The following CTNND2 variants were observed in gnomAD, a reference collection of about 807,000 sequenced individuals.
CTNND2 encodes catenin delta 2, also known as catenin delta-2.
CTNND2 carries 22 observed loss-of-function variants against 144.4 expected under a neutral mutation model. The ratio of observed to expected loss-of-function variants is 0.15; its 90% CI spans 0.11 to 0.22. CTNND2 has a LOEUF of 0.22. Among genes scored for constraint, CTNND2 ranks in the 10% least tolerant of loss-of-function variants. The pLI is 1.00. For synonymous variants in CTNND2, 751 were observed against 695.6 expected (o/e 1.08, Z -1.25); for missense variants, 1,353 against 1,618.8 (o/e 0.84, Z 2.82).
intron 2 of CTNND2, among the ~76,000 whole-genome samples, chr5:11,681,229 G>A (rs1784409601): frequency 6.6e-6 from 1 of 152,184 alleles, no homozygotes; most frequent in Non-Finnish European, 1.5e-5. Context: ...CAAGAAAAAT[G>A]TATTTCAAGA....
At chr5:11,283,717 T>C (rs1561149083) in intron 9 of CTNND2, among the ~76,000 whole-genome samples, 1 of 114,730 alleles carries the variant, frequency 8.7e-6, no homozygotes, top group East Asian at 2.6e-4. Flanking sequence ...GAGAGAGACA[T>C]GGGAATCTGT....
chr5:11,159,671 G>C lies in CTNND2; in HGVS notation c.2064C>G (p.Ile688Met). 6.2e-7 allele frequency: 1 copy of C among 1,613,572 alleles called. No homozygotes were observed. The highest frequency in any genetic ancestry group is 8.5e-7 in the Non-Finnish European group (1 of 1,179,768). ...GCGAATTTTCCCAGCCTGAGTGGGG[G>C]ATAATCACCGCGTTGGTCAGTACTG... ...ALAVLTNAVI[I>M]PHSGWENSPL... is the part of the protein sequence containing the mutation. Residue 688 changes from isoleucine to methionine, a missense_variant, in exon 12 of 22, where the codon ATC becomes ATG. By Grantham distance (10) the Ile-to-Met change is conservative. Around this residue, in one of 4 missense-constraint regions of CTNND2, gnomAD observed 117 missense variants for 117.8 expected, o/e 0.99. Coordinates refer to ENST00000304623, the MANE Select transcript of CTNND2 (RefSeq NM_001332.4).
chr5:11,043,529 T>C (rs1744908627), intron 16 of CTNND2, among the ~76,000 whole-genome samples: 2 of 152,038 alleles, frequency 1.3e-5, no homozygotes, highest in Admixed American at 1.3e-4. Flanking sequence ...AGTAGATAGG[T>C]AGAAAAAACA....
At chr5:11,131,296 T>C (rs1755568303) in intron 12 of CTNND2, among the ~76,000 whole-genome samples, 1 of 152,148 alleles carries the variant, frequency 6.6e-6, no homozygotes, top group African/African-American at 2.4e-5. Context: ...ACCATGTGAC[T>C]AAATAAATAA....
chr5:10,982,089 G>A (rs573198951), intron 20 of CTNND2, among the ~76,000 whole-genome samples: 1 of 152,286 alleles, frequency 6.6e-6, no homozygotes, highest in Admixed American at 6.5e-5. Flanking sequence ...ATCACAGACA[G>A]GGTCAGGGCA....
intron 1 of CTNND2, among the ~76,000 whole-genome samples, chr5:11,890,261 A>C (rs2127095264): frequency 6.6e-6 from 1 of 152,286 alleles, no homozygotes; most frequent in South Asian, 2.1e-4. Flanking sequence ...AACCAAAAGT[A>C]TAGTCTCATA....
chr5:11,199,479 C>T lies in CTNND2; in HGVS notation c.1944G>A (p.Thr648=), dbSNP rs766631970. The T allele has an allele frequency of 1.1e-5, 18 of 1,614,066 alleles. No homozygotes were observed. Among genetic ancestry groups the T allele is most frequent in the Admixed American group, 3.3e-5 (2 of 60,004 alleles). The change falls in exon 11 of 22, where the codon ACG becomes ACA. Residue 648 remains threonine, a synonymous_variant. Transcript: ENST00000304623. ...IPALVRLLRK[T]TDLEIRELVT... is the part of the protein sequence containing the mutation. ...CCAGCTCCCGGATCTCCAGGTCAGT[C>T]GTCTTGCGGAGTAACCTCACCAGTG...
chr5:11,182,134 G>T (rs899953954), intron 11 of CTNND2, among the ~76,000 whole-genome samples: 3 of 139,882 alleles, frequency 2.1e-5, no homozygotes, highest in South Asian at 2.4e-4. Context: ...TGTGGATGGG[G>T]TGTGTGTGTG....
At chr5:11,246,914 G>A (rs369030575) in intron 9 of CTNND2, among the ~76,000 whole-genome samples, 10 of 152,206 alleles carry the variant, frequency 6.6e-5, no homozygotes, top group East Asian at 3.9e-4. Flanking sequence ...AGTGAGTCCC[G>A]GGCCCTACTG....
chr5:11,316,506 T>TATA (rs1344367539), intron 9 of CTNND2, among the ~76,000 whole-genome samples: 1 of 133,992 alleles, frequency 7.5e-6, no homozygotes, highest in African/African-American at 2.7e-5. Flanking sequence ...TTATTATTAT[T>TATA]ATACTTTAAG....
At chr5:11,046,976 C>A (rs1304598564) in intron 16 of CTNND2, among the ~76,000 whole-genome samples, 2 of 152,180 alleles carry the variant, frequency 1.3e-5, no homozygotes, top group East Asian at 3.9e-4. Flanking sequence ...AAAGCCCATG[C>A]GTTTTCATGG....
chr5:11,434,552 C>T (rs1176599327), intron 3 of CTNND2, among the ~76,000 whole-genome samples: 1 of 152,032 alleles, frequency 6.6e-6, no homozygotes, highest in Non-Finnish European at 1.5e-5. Context: ...TATTAATATG[C>T]ACAATAAACT....
chr5:11,842,233 G>A (rs1175704707), intron 1 of CTNND2, among the ~76,000 whole-genome samples: 1 of 152,244 alleles, frequency 6.6e-6, no homozygotes, highest in African/African-American at 2.4e-5. Context: ...ATCACTTAAG[G>A]GGAGGCAGCA....
chr5:11,330,825 C>T (rs1295809043), intron 9 of CTNND2, among the ~76,000 whole-genome samples: 1 of 148,856 alleles, frequency 6.7e-6, no homozygotes, highest in Non-Finnish European at 1.5e-5. Flanking sequence ...CTAACTTATA[C>T]AGAGCAAGTC....
chr5:11,303,907 C>T (rs983374464), intron 9 of CTNND2, among the ~76,000 whole-genome samples: 6 of 152,054 alleles, frequency 3.9e-5, no homozygotes, highest in South Asian at 2.1e-4. Flanking sequence ...ATCATGGGGG[C>T]GGTTTCCCCC....
chr5:11,790,834 T>C (rs1051595541), intron 1 of CTNND2, among the ~76,000 whole-genome samples: 1 of 152,158 alleles, frequency 6.6e-6, no homozygotes, highest in African/African-American at 2.4e-5. Context: ...GGAGCCCACA[T>C]AGCAATTGTC....
At chr5:11,435,441 C>T (rs184004519) in intron 3 of CTNND2, among the ~76,000 whole-genome samples, 6 of 152,120 alleles carry the variant, frequency 3.9e-5, no homozygotes, top group East Asian at 1.9e-4. Context: ...CGCGCCCCGC[C>T]GTTTGACAAA....
chr5:11,450,611 C>T (rs544376826), intron 3 of CTNND2, among the ~76,000 whole-genome samples: 22 of 152,168 alleles, frequency 1.4e-4, no homozygotes, highest in South Asian at 8.3e-4. Flanking sequence ...CTTAAAAATG[C>T]GTCCCAGGCT....
chr5:11,724,639 T>TA (rs1318499735), intron 2 of CTNND2, among the ~76,000 whole-genome samples: 3 of 152,186 alleles, frequency 2.0e-5, no homozygotes, highest in Non-Finnish European at 4.4e-5. Context: ...ATAAAAGACT[T>TA]AAACACCTTT....
Sources: gnomAD v4.1 joint callset for allele counts (sites outside exome capture counted in the v4.1 genomes callset) on GRCh38, gnomAD v4.1.1 for gene constraint, gnomAD v4.1.1 regional missense constraint, MANE v1.5 for transcripts, NCBI Gene and HGNC (gene_info 2026-07-23, HGNC 2026-07-21) for gene names.